Variants in DAB1 observed in about 807,000 individuals in gnomAD.
DAB1 encodes DAB adaptor protein 1.
DAB1 carries 15 observed loss-of-function variants against 64.6 expected under a neutral mutation model. The ratio of observed to expected loss-of-function variants is 0.23; its 90% CI spans 0.16 to 0.36. DAB1 has a LOEUF of 0.36. Among genes scored for constraint, DAB1 ranks in the 10% least tolerant of loss-of-function variants. The pLI is 1.00. For missense variants in DAB1, 596 were observed against 706.7 expected (o/e 0.84, Z 1.78); for synonymous variants, 235 against 251.9 (o/e 0.93, Z 0.64).
intron 7 of DAB1, among the ~76,000 whole-genome samples, chr1:57,439,578 G>C (rs1033163068): frequency 1.3e-5 from 2 of 148,232 alleles, no homozygotes; most frequent in Admixed American, 1.3e-4. Flanking sequence ...ACAGGCGCCC[G>C]CCACCGCGCC....
At chr1:58,168,844 TC>T (rs1480026452) in intron 4 of DAB1, among the ~76,000 whole-genome samples, 3 of 152,124 alleles carry the variant, frequency 2.0e-5, no homozygotes, top group African/African-American at 7.2e-5. Flanking sequence ...ATGGGTAAAG[TC>T]CCAATACTAA....
At chr1:57,693,639 C>G (rs1430762550) in intron 6 of DAB1, among the ~76,000 whole-genome samples, 1 of 152,196 alleles carries the variant, frequency 6.6e-6, no homozygotes, top group Admixed American at 6.5e-5. Context: ...TCACTCTTCA[C>G]AATAAATCTT....
intron 3 of DAB1, among the ~76,000 whole-genome samples, chr1:58,362,929 C>T (rs1644181561): frequency 6.6e-6 from 1 of 152,184 alleles, no homozygotes; most frequent in Non-Finnish European, 1.5e-5. Context: ...TCTTACATTT[C>T]CGGAGGCAGA....
At chr1:58,417,946 A>G (rs1644737472) in intron 3 of DAB1, among the ~76,000 whole-genome samples, 2 of 151,962 alleles carry the variant, frequency 1.3e-5, no homozygotes, top group South Asian at 4.2e-4. Flanking sequence ...AATCCCTTCA[A>G]CTCTTGCTCT....
intron 4 of DAB1, among the ~76,000 whole-genome samples, chr1:57,124,990 G>A (rs555788281): frequency 7.7e-4 from 117 of 151,384 alleles, no homozygotes; most frequent in African/African-American, 2.6e-3. Context: ...GAAGAATGGC[G>A]TTAGTAATAT....
chr1:57,812,078 C>G (rs1007770233), intron 6 of DAB1, among the ~76,000 whole-genome samples: 10 of 151,996 alleles, frequency 6.6e-5, no homozygotes, highest in Admixed American at 5.9e-4. Flanking sequence ...ATAGAATTTC[C>G]TCTTCTGAAT....
chr1:57,951,523 C>T (rs1041125459), intron 5 of DAB1, among the ~76,000 whole-genome samples: 6 of 151,776 alleles, frequency 4.0e-5, no homozygotes, highest in African/African-American at 1.5e-4. Context: ...AAGCGATAAA[C>T]CTTGGAGCCA....
intron 3 of DAB1, among the ~76,000 whole-genome samples, chr1:58,481,665 C>T (rs538909019): frequency 6.6e-6 from 1 of 151,962 alleles, no homozygotes; most frequent in South Asian, 2.1e-4. Context: ...CCACCCAAAT[C>T]TCATCTTGAA....
rs557600853 is a variant in DAB1, at chr1:57,271,683, G to A, written c.67+19281C>T. Among the ~76,000 whole-genome samples, 9 of 152,294 alleles carry A rather than the reference G, an allele frequency of 5.9e-5. No individual in the cohort carries two copies. The South Asian group carries it at 6.2e-4, about 11-fold the overall frequency. ...TAGAGGTCAGTATCCAAGTAGCCCC[G>A]CGGAGGGCCTGATTATCTGTGTTTG... On this transcript the variant is annotated intron_variant, in intron 2 of 14. Coordinates refer to ENST00000371236, the MANE Select transcript of DAB1 (RefSeq NM_001365792.1).
At chr1:57,476,076 A>G (rs992138020) in intron 7 of DAB1, among the ~76,000 whole-genome samples, 2 of 152,034 alleles carry the variant, frequency 1.3e-5, no homozygotes, top group Non-Finnish European at 2.9e-5. Context: ...AATACAAAAA[A>G]TTAGCTGGGC....
At chr1:57,609,552 C>G (rs1172156228) in intron 7 of DAB1, among the ~76,000 whole-genome samples, 1 of 152,166 alleles carries the variant, frequency 6.6e-6, no homozygotes, top group Non-Finnish European at 1.5e-5. Flanking sequence ...AAGAGCAGTT[C>G]ATTAGTTGGT....
chr1:57,489,278 G>A (rs989930783), intron 7 of DAB1, among the ~76,000 whole-genome samples: 5 of 152,174 alleles, frequency 3.3e-5, no homozygotes, highest in Non-Finnish European at 7.3e-5. Context: ...TCCCAGGTCA[G>A]GCCTTTAAAT....
intron 1 of DAB1, among the ~76,000 whole-genome samples, chr1:57,339,917 C>T (rs1202074635): frequency 2.6e-5 from 4 of 152,144 alleles, no homozygotes; most frequent in Non-Finnish European, 2.9e-5. Flanking sequence ...ATTTTCAAGT[C>T]ATCGCCAGGG....
At chr1:58,211,563 G>A (rs965145906) in intron 4 of DAB1, among the ~76,000 whole-genome samples, 9 of 152,240 alleles carry the variant, frequency 5.9e-5, no homozygotes, top group Admixed American at 5.9e-4. Flanking sequence ...GAAAGAGAAG[G>A]TTAATACAAA....
chr1:58,201,422 G>C (rs570541921), intron 4 of DAB1, among the ~76,000 whole-genome samples: 1 of 152,284 alleles, frequency 6.6e-6, no homozygotes, highest in African/African-American at 2.4e-5. Context: ...CCTCTGCTTT[G>C]CTGAATACCA....
At chr1:58,218,247 G>A (rs1368786842) in intron 4 of DAB1, among the ~76,000 whole-genome samples, 1 of 152,130 alleles carries the variant, frequency 6.6e-6, no homozygotes, top group African/African-American at 2.4e-5. Flanking sequence ...ATGACCAAGT[G>A]ACACCACCTG....
At chr1:57,718,550 T>A (rs1647112577) in intron 6 of DAB1, among the ~76,000 whole-genome samples, 1 of 152,210 alleles carries the variant, frequency 6.6e-6, no homozygotes, top group African/African-American at 2.4e-5. Context: ...CATGGGAATG[T>A]TTCTTTCTCT....
At chr1:58,471,563 C>A (rs1422055165) in intron 3 of DAB1, among the ~76,000 whole-genome samples, 1 of 152,118 alleles carries the variant, frequency 6.6e-6, no homozygotes, top group African/African-American at 2.4e-5. Flanking sequence ...GGATCTGTGT[C>A]CCCATCCAAA....
At chr1:58,514,386 A>G (rs1166241809) in intron 2 of DAB1, among the ~76,000 whole-genome samples, 1 of 152,218 alleles carries the variant, frequency 6.6e-6, no homozygotes, top group African/African-American at 2.4e-5. Context: ...TAGACCAAGT[A>G]AAAGCCTAAC....
Sources: allele counts gnomAD v4.1 joint callset (sites outside exome capture counted in the v4.1 genomes callset), GRCh38; gene constraint gnomAD v4.1.1; transcripts MANE v1.5; gene names NCBI Gene and HGNC (gene_info 2026-07-23, HGNC 2026-07-21).